INPP5D: variants seen among roughly 807,000 people sequenced by gnomAD.
INPP5D encodes the protein phosphatidylinositol 3,4,5-trisphosphate 5-phosphatase 1.
INPP5D carries 33 observed loss-of-function variants against 122.9 expected under a neutral mutation model. That is an observed-to-expected ratio of 0.27 (90% CI 0.20 to 0.36). The LOEUF is 0.36. Ranked by LOEUF, INPP5D falls within the 10% of genes least tolerant of loss-of-function variation. The probability of loss-of-function intolerance (pLI) is 1.00; values close to 1 mark genes in which losing one functional copy is unlikely to be tolerated. For missense variants in INPP5D, 1,053 were observed against 1,412.7 expected (o/e 0.75, Z 4.08); for synonymous variants, 584 against 576.2 (o/e 1.01, Z -0.19).
intron 20 of INPP5D, among the ~76,000 whole-genome samples, chr2:233,185,441 C>A (rs997615212): frequency 2.6e-5 from 4 of 152,158 alleles, no homozygotes; most frequent in Middle Eastern, 3.4e-3. Flanking sequence ...CCATACATTT[C>A]TATGGAAACA....
At position 233,163,825 on chromosome 2, in the gene INPP5D, G is replaced by A. The variant is rs1444989543; in HGVS notation, c.1359G>A (p.Glu453=). 4.3e-6 allele frequency: 7 copies of A among 1,613,840 alleles called. No homozygotes were observed. Among genetic ancestry groups the A allele is most frequent in the Non-Finnish European group, 5.9e-6 (7 of 1,179,898 alleles). ...PHDIYVIGTQ[E]DPLSEKEWLE... ...ACATTTACGTGATCGGCACCCAAGA[G>A]GACCCCCTGAGTGAGAAGGAGTGGC... Residue 453 remains glutamate (E), a synonymous_variant, in exon 12 of 27, where the codon GAG becomes GAA. Coordinates refer to ENST00000445964, the MANE Select transcript of INPP5D (RefSeq NM_001017915.3).
chr2:233,120,540 A>T (rs1692939241), intron 2 of INPP5D: 1 of 152,300 alleles, frequency 6.6e-6, no homozygotes, highest in Non-Finnish European at 1.5e-5. Flanking sequence ...TTATGAGGAC[A>T]GGGTGAATCA....
intron 9 of INPP5D, among the ~76,000 whole-genome samples, chr2:233,150,600 T>C (rs967156026): frequency 2.0e-5 from 3 of 152,120 alleles, no homozygotes; most frequent in Non-Finnish European, 2.9e-5. Context: ...AACTTAAGAT[T>C]GAAAGAAACA....
At chr2:233,074,226 G>A (rs1001775154) in intron 1 of INPP5D, among the ~76,000 whole-genome samples, 1 of 152,186 alleles carries the variant, frequency 6.6e-6, no homozygotes, top group Middle Eastern at 3.2e-3. Flanking sequence ...TGGGGCCAGA[G>A]ATGAGGGTGT....
chr2:233,152,606 G>A (rs997696774), intron 9 of INPP5D, among the ~76,000 whole-genome samples: 6 of 152,232 alleles, frequency 3.9e-5, no homozygotes, highest in Non-Finnish European at 7.3e-5. Flanking sequence ...ATGGGGAAAA[G>A]CCTTTCTGTG....
chr2:233,164,241 G>A lies in INPP5D; in HGVS notation c.1438-66G>A. ...AGGGGCTGCGGCTGGGGCTGGGTGT[G>A]AATCACTGTGCCCTGGTTCACACCC... is the stretch of plus-strand genomic sequence containing the variant. On this transcript the variant is annotated intron_variant, in intron 12 of 26. Transcript: ENST00000445964. The surrounding 1 kb of genome is among the most constrained non-coding windows in gnomAD (Gnocchi z 4.3). 1 of 1,491,858 alleles carries A rather than the reference G, an allele frequency of 6.7e-7. No homozygotes were observed. Among genetic ancestry groups the A allele is most frequent in the Non-Finnish European group, 9.0e-7 (1 of 1,114,942 alleles). The allele number at this position is 1,491,858 out of a possible 1,614,324, so 92.4% of individuals were successfully genotyped here.
intron 5 of INPP5D, chr2:233,130,931 T>C: frequency 3.5e-6 from 2 of 579,440 alleles, no homozygotes; most frequent in South Asian, 3.1e-5. Flanking sequence ...TGGCCAGCCC[T>C]TTCTCACTTG....
intron 9 of INPP5D, among the ~76,000 whole-genome samples, chr2:233,148,737 T>C (rs1693841524): frequency 6.6e-6 from 1 of 151,944 alleles, no homozygotes; most frequent in Non-Finnish European, 1.5e-5. Context: ...CCGAGAAACC[T>C]GATCAATGCG....
chr2:233,118,017 C>T (rs1692853689), intron 2 of INPP5D, among the ~76,000 whole-genome samples: 1 of 152,210 alleles, frequency 6.6e-6, no homozygotes, highest in Admixed American at 6.5e-5. Flanking sequence ...GATGGCACAG[C>T]CATGAGCAGA....
intron 9 of INPP5D, among the ~76,000 whole-genome samples, chr2:233,149,226 C>T (rs1693858812): frequency 6.6e-6 from 1 of 151,610 alleles, no homozygotes; most frequent in Admixed American, 6.6e-5. Context: ...GCCTCAGCTT[C>T]CCGAGTAGCT....
intron 18 of INPP5D, among the ~76,000 whole-genome samples, chr2:233,181,559 C>T (rs1361349063): frequency 6.6e-6 from 1 of 152,214 alleles, no homozygotes; most frequent in Non-Finnish European, 1.5e-5. Flanking sequence ...CTCCAACGGG[C>T]TATCTTGAAA....
intron 4 of INPP5D, among the ~76,000 whole-genome samples, chr2:233,129,065 C>T (rs1324938213): frequency 6.6e-6 from 1 of 151,992 alleles, no homozygotes; most frequent in Non-Finnish European, 1.5e-5. Flanking sequence ...ACCCAGGAGG[C>T]TGAGGCAGGA....
At chr2:233,096,287 C>T (rs1302119136) in intron 2 of INPP5D, among the ~76,000 whole-genome samples, 1 of 152,184 alleles carries the variant, frequency 6.6e-6, no homozygotes, top group Non-Finnish European at 1.5e-5. Context: ...TTACCAGTGC[C>T]TGTAATTTTC....
chr2:233,079,733 G>A (rs1362052035), intron 2 of INPP5D, among the ~76,000 whole-genome samples: 1 of 152,008 alleles, frequency 6.6e-6, no homozygotes, highest in Non-Finnish European at 1.5e-5. Flanking sequence ...TCTCAAAGGA[G>A]AGAGAGGAAG....
chr2:233,188,571 C>T lies in INPP5D; in HGVS notation c.2359-1279C>T, dbSNP rs994663463. ...CAGTTTCCAGTCATCTGTTCTGGAA[C>T]TTTTTTTTGAGACTGAGTCTTGTTC... is the stretch of plus-strand genomic sequence containing the variant. On this transcript the variant is annotated intron_variant, in intron 21 of 26. Coordinates refer to ENST00000445964, the MANE Select transcript of INPP5D (RefSeq NM_001017915.3). This position sits in a 1 kb window ranked among gnomAD's most constrained non-coding sequence, Gnocchi z 4.7. Among the ~76,000 whole-genome samples, 2 of 151,922 alleles carry T rather than the reference C, an allele frequency of 1.3e-5. No individual in the cohort carries two copies. Among genetic ancestry groups the T allele is most frequent in the African/African-American group, 4.8e-5 (2 of 41,374 alleles).
chr2:233,074,772 T>C (rs552171793), intron 1 of INPP5D, among the ~76,000 whole-genome samples: 2 of 152,088 alleles, frequency 1.3e-5, no homozygotes, highest in African/African-American at 4.8e-5. Flanking sequence ...CACAAAAGGA[T>C]TTAAAAGCAA....
chr2:233,181,413 G>A (rs1694780059), intron 18 of INPP5D, among the ~76,000 whole-genome samples: 1 of 152,056 alleles, frequency 6.6e-6, no homozygotes, highest in African/African-American at 2.4e-5. Flanking sequence ...GGTGTGCCCT[G>A]GAATTCCATC....
intron 9 of INPP5D, 42 bp downstream of exon 9, chr2:233,147,636 C>T: frequency 1.4e-6 from 1 of 698,200 alleles, no homozygotes; most frequent in Non-Finnish European, 2.6e-6. Context: ...CCTCACCTGC[C>T]TGTGGAATTC....
intron 6 of INPP5D, among the ~76,000 whole-genome samples, chr2:233,144,692 A>AGGT (rs1693711269): frequency 6.2e-5 from 7 of 113,472 alleles, no homozygotes; most frequent in Non-Finnish European, 1.0e-4. Flanking sequence ...GTGAGGGTGG[A>AGGT]GGTGGTAGTA....
Sources: gnomAD v4.1 joint callset for allele counts (sites outside exome capture counted in the v4.1 genomes callset) on GRCh38, gnomAD v4.1.1 for gene constraint, Gnocchi (gnomAD v3.1) non-coding constraint, MANE v1.5 for transcripts, NCBI Gene and HGNC (gene_info 2026-07-23, HGNC 2026-07-21) for gene names.